Variants in ERBB4 observed in about 807,000 individuals in gnomAD.
ERBB4 encodes the protein receptor tyrosine-protein kinase erbB-4.
Under a neutral mutation model 158.0 loss-of-function variants are expected in ERBB4, and 42 were observed. The ratio of observed to expected loss-of-function variants is 0.27; its 90% CI spans 0.21 to 0.34. The LOEUF is 0.34. Among genes scored for constraint, ERBB4 ranks in the 10% least tolerant of loss-of-function variants. The probability of loss-of-function intolerance (pLI) is 1.00; values close to 1 mark genes in which losing one functional copy is unlikely to be tolerated. For synonymous variants in ERBB4, 583 were observed against 558.7 expected (o/e 1.04, Z -0.61); for missense variants, 1,333 against 1,624.1 (o/e 0.82, Z 3.08).
intron 3 of ERBB4, among the ~76,000 whole-genome samples, chr2:211,877,910 C>G (rs1364141627): frequency 2.0e-5 from 3 of 152,104 alleles, no homozygotes; most frequent in African/African-American, 7.2e-5. Context: ...GTGTTTGAGA[C>G]CAGCCTGGCC....
Position 211,661,042 on chromosome 2 carries a change from G to A in ERBB4, c.1872-3214C>T, listed in dbSNP as rs140405172. Among the ~76,000 whole-genome samples the A allele has an allele frequency of 9.7e-3, 1,481 of 152,106 alleles. 16 individuals are homozygous for A. The highest frequency in any genetic ancestry group is 0.041 in the South Asian group (197 of 4,822). On this transcript the variant is annotated intron_variant, in intron 15 of 27. Coordinates refer to ENST00000342788, the MANE Select transcript of ERBB4 (RefSeq NM_005235.3). ...ATTGGAGATAGAAAAATAGAGGCTG[G>A]GGAAAGAGCGGGGAGGGACTGAGGG...
intron 2 of ERBB4, among the ~76,000 whole-genome samples, chr2:211,954,496 A>C (rs1012007212): frequency 6.6e-6 from 1 of 152,116 alleles, no homozygotes; most frequent in Non-Finnish European, 1.5e-5. Context: ...CAGTGTCTTA[A>C]GAACTCATAC....
At chr2:212,505,528 C>T (rs1347773881) in intron 1 of ERBB4, among the ~76,000 whole-genome samples, 1 of 148,266 alleles carries the variant, frequency 6.7e-6, no homozygotes, top group African/African-American at 2.4e-5. Flanking sequence ...CACAGTCTTC[C>T]AAAGGGTCTC....
chr2:211,416,913 A>T (rs1385953135), intron 25 of ERBB4, among the ~76,000 whole-genome samples: 1 of 151,508 alleles, frequency 6.6e-6, no homozygotes, highest in Non-Finnish European at 1.5e-5. Flanking sequence ...TTCTTGCTAT[A>T]GCAGTCTCTG....
rs372292800 is a variant in ERBB4 at position 211,835,782 on chromosome 2, G to T, written c.422-47623C>A. On this transcript the variant is annotated intron_variant, in intron 3 of 27. Coordinates refer to ENST00000342788, the MANE Select transcript of ERBB4 (RefSeq NM_005235.3). ...TGAAAGATTCAGTACCGTGAAGTAG[G>T]TCATGATCATATTAAATGAGAATAC... 4.6e-5 allele frequency among the ~76,000 whole-genome samples: 7 copies of T among 152,126 alleles called. No individual in the cohort carries two copies. In the East Asian group the frequency reaches 1.4e-3, roughly 29 times the overall value.
At chr2:212,512,301 T>C (rs75873133) in intron 1 of ERBB4, among the ~76,000 whole-genome samples, 3,444 of 151,480 alleles carry the variant, frequency 0.023, 107 homozygotes, top group South Asian at 0.082. Context: ...CTCTTTATAT[T>C]GGGAGAAAAA....
chr2:211,529,403 C>T (rs2066435793), intron 20 of ERBB4, among the ~76,000 whole-genome samples: 1 of 152,054 alleles, frequency 6.6e-6, no homozygotes, highest in African/African-American at 2.4e-5. Context: ...GACGGCTTCA[C>T]TGCTGAACTC....
chr2:211,530,808 G>A (rs1349140722), intron 20 of ERBB4, among the ~76,000 whole-genome samples: 1 of 152,092 alleles, frequency 6.6e-6, no homozygotes, highest in East Asian at 1.9e-4. Context: ...GAGAACGCTT[G>A]TGCCTAGCAA....
chr2:211,914,745 A>C (rs140227334), intron 3 of ERBB4, among the ~76,000 whole-genome samples: 1,693 of 152,320 alleles, frequency 0.011, 38 homozygotes, highest in African/African-American at 0.038. Context: ...AACAAATATA[A>C]GCCAAATAAC....
intron 2 of ERBB4, among the ~76,000 whole-genome samples, chr2:212,002,833 CG>C (rs1478205860): frequency 6.6e-6 from 1 of 151,602 alleles, no homozygotes. Context: ...CCGAGGCGGG[CG>C]GATCACTTGA....
At chr2:212,207,557 T>G (rs143586025) in intron 1 of ERBB4, among the ~76,000 whole-genome samples, 67 of 152,342 alleles carry the variant, frequency 4.4e-4, no homozygotes, top group African/African-American at 1.6e-3. Flanking sequence ...TATTCAATCT[T>G]ACACTAAATA....
intron 3 of ERBB4, among the ~76,000 whole-genome samples, chr2:211,871,535 G>C (rs2078345855): frequency 1.3e-5 from 2 of 150,728 alleles, no homozygotes; most frequent in Admixed American, 1.3e-4. Context: ...TCTAGTCATG[G>C]GTCATTCAGA....
chr2:211,591,662 C>T (rs2068468760), intron 19 of ERBB4, among the ~76,000 whole-genome samples: 1 of 152,208 alleles, frequency 6.6e-6, no homozygotes, highest in African/African-American at 2.4e-5. Context: ...CTAGTGGTTC[C>T]CCACACTCAG....
At chr2:212,006,310 C>T (rs2076258624) in intron 2 of ERBB4, among the ~76,000 whole-genome samples, 1 of 152,058 alleles carries the variant, frequency 6.6e-6, no homozygotes, top group Admixed American at 6.6e-5. Context: ...GTTTATCTAC[C>T]TCTTTCATTA....
intron 2 of ERBB4, among the ~76,000 whole-genome samples, chr2:212,091,931 G>A (rs1472401714): frequency 6.6e-6 from 1 of 151,766 alleles, no homozygotes; most frequent in Non-Finnish European, 1.5e-5. Flanking sequence ...CTTTATATTA[G>A]TAAATGATCA....
At chr2:212,463,295 T>G (rs1220058272) in intron 1 of ERBB4, among the ~76,000 whole-genome samples, 1 of 152,146 alleles carries the variant, frequency 6.6e-6, no homozygotes, top group Non-Finnish European at 1.5e-5. Context: ...TTTGAGGTGA[T>G]GAATATGCTA....
chr2:212,004,994 T>C (rs2076226348), intron 2 of ERBB4, among the ~76,000 whole-genome samples: 1 of 152,166 alleles, frequency 6.6e-6, no homozygotes, highest in Admixed American at 6.6e-5. Context: ...GCATATTGGC[T>C]AATTGTTTCT....
chr2:212,501,905 AC>A (rs1463789894), intron 1 of ERBB4, among the ~76,000 whole-genome samples: 53 of 152,216 alleles, frequency 3.5e-4, no homozygotes, highest in African/African-American at 1.0e-3. Context: ...ATGGCCAAAA[AC>A]CTGGGGTTTC....
intron 1 of ERBB4, among the ~76,000 whole-genome samples, chr2:212,306,009 T>C (rs2086796715): frequency 6.6e-6 from 1 of 151,472 alleles, no homozygotes; most frequent in Non-Finnish European, 1.5e-5. Context: ...AATATTTACT[T>C]TGGTTGTTTA....
Sources: allele counts gnomAD v4.1 joint callset (sites outside exome capture counted in the v4.1 genomes callset), GRCh38; gene constraint gnomAD v4.1.1; transcripts MANE v1.5; gene names NCBI Gene and HGNC (gene_info 2026-07-23, HGNC 2026-07-21).